Variants in PAPPA observed in about 807,000 individuals in gnomAD.
The protein encoded by PAPPA is pappalysin 1.
A neutral mutation model predicts 164.0 loss-of-function variants in PAPPA; 60 were observed. The observed-to-expected ratio is 0.37, with a 90% confidence interval of 0.30 to 0.45. The LOEUF (loss-of-function observed/expected upper bound fraction) is 0.45, where lower values mean the gene tolerates loss of function less well. PAPPA is among the 20% of genes least tolerant of loss of function. The probability of loss-of-function intolerance (pLI) is 1.00; values close to 1 mark genes in which losing one functional copy is unlikely to be tolerated. For synonymous variants in PAPPA, 875 were observed against 814.1 expected (o/e 1.07, Z -1.27); for missense variants, 1,782 against 2,087.3 (o/e 0.85, Z 2.85).
chr9:116,336,725 C>A (rs770537230), intron 13 of PAPPA, among the ~76,000 whole-genome samples: 1 of 152,182 alleles, frequency 6.6e-6, no homozygotes, highest in Non-Finnish European at 1.5e-5. Context: ...TGAATGAGGG[C>A]AAAATGCTGC....
rs1317701880 is a variant in PAPPA at position 116,399,703 on chromosome 9, G to T, written c.*3087G>T. On this transcript the variant is annotated 3_prime_UTR_variant, in exon 22 of 22. Transcript: ENST00000328252. ...ACCCAAAGGATTTGCATTACCCCCA[G>T]ATTCTGTGCCAACAACCTTTTAAGG... 1 of 152,582 alleles carries T rather than the reference G, an allele frequency of 6.6e-6. No individual in the cohort carries two copies. Among genetic ancestry groups the T allele is most frequent in the Non-Finnish European group, 1.5e-5 (1 of 68,044 alleles). The allele number at this position is 152,582 out of a possible 1,614,324, so 9.5% of individuals were successfully genotyped here.
rs949521627 is a variant in PAPPA, at chr9:116,188,157, C to T, written c.1419C>T (p.Cys473=). 2 of 1,613,998 alleles carry T rather than the reference C, an allele frequency of 1.2e-6. No individual in the cohort carries two copies. Among genetic ancestry groups the T allele is most frequent in the Middle Eastern group, 1.6e-4 (1 of 6,084 alleles). The change falls in exon 2 of 22, where the codon TGC becomes TGT. Residue 473 remains cysteine (C), a synonymous_variant. Coordinates refer to ENST00000328252, the MANE Select transcript of PAPPA (RefSeq NM_002581.5). ...YERFNFDGGE[C]CDPEITNVTQ... ...GGTTCAACTTTGATGGTGGAGAGTG[C>T]TGTGACCCTGAAATCACCAATGTCA... is the stretch of plus-strand genomic sequence containing the variant.
At chr9:116,191,956 A>G (rs1307261735) in intron 2 of PAPPA, among the ~76,000 whole-genome samples, 2 of 152,120 alleles carry the variant, frequency 1.3e-5, no homozygotes, top group African/African-American at 4.8e-5. Context: ...TAGGGGCAAG[A>G]GGAGAAAGTG....
At chr9:116,231,694 GAT>G (rs1287850876) in intron 6 of PAPPA, among the ~76,000 whole-genome samples, 3 of 151,050 alleles carry the variant, frequency 2.0e-5, no homozygotes, top group Non-Finnish European at 4.4e-5. Flanking sequence ...TGGATGGATG[GAT>G]GGATGGATGG....
intron 9 of PAPPA, among the ~76,000 whole-genome samples, chr9:116,295,197 T>G (rs1233126334): frequency 3.3e-5 from 5 of 152,176 alleles, no homozygotes; most frequent in Non-Finnish European, 7.4e-5. Context: ...AATCAGAGAT[T>G]TCCAAAAGTA....
At chr9:116,176,834 T>A (rs1843841520) in intron 1 of PAPPA, among the ~76,000 whole-genome samples, 1 of 151,374 alleles carries the variant, frequency 6.6e-6, no homozygotes, top group Non-Finnish European at 1.5e-5. Context: ...AAAAATGGAG[T>A]TGACAAGATG....
intron 14 of PAPPA, among the ~76,000 whole-genome samples, chr9:116,345,175 T>C (rs1846191304): frequency 1.3e-5 from 2 of 151,970 alleles, no homozygotes; most frequent in Non-Finnish European, 2.9e-5. Context: ...ACAAATCGAG[T>C]CCTTCTTCTG....
Position 116,398,440 on chromosome 9 carries a change from C to T in PAPPA, c.*1824C>T, listed in dbSNP as rs1846996172. 1 of 498,284 alleles carries T rather than the reference C, an allele frequency of 2.0e-6. No homozygotes were observed. Among genetic ancestry groups the T allele is most frequent in the African/African-American group, 2.0e-5 (1 of 48,812 alleles). The allele number at this position is 498,284 out of a possible 1,614,324, so 30.9% of individuals were successfully genotyped here. Reference sequence around the variant, plus strand: ...GCACGTGTGCAGCCCCACCTAATTCCTGCATCCAAGGCAGGTGTTGTTAAT... The same window carrying T: ...GCACGTGTGCAGCCCCACCTAATTCTTGCATCCAAGGCAGGTGTTGTTAAT... On this transcript the variant is annotated 3_prime_UTR_variant, in exon 22 of 22. Coordinates refer to ENST00000328252, the MANE Select transcript of PAPPA (RefSeq NM_002581.5).
intron 21 of PAPPA, among the ~76,000 whole-genome samples, chr9:116,392,985 A>G (rs1450699747): frequency 6.6e-6 from 1 of 152,126 alleles, no homozygotes; most frequent in African/African-American, 2.4e-5. Context: ...TCATATTCTG[A>G]TTGAGTTTCC....
intron 17 of PAPPA, among the ~76,000 whole-genome samples, chr9:116,359,355 G>C (rs1457156684): frequency 6.6e-6 from 1 of 152,192 alleles, no homozygotes; most frequent in African/African-American, 2.4e-5. Context: ...GGGAGTTAGA[G>C]CTCAATATGC....
intron 17 of PAPPA, among the ~76,000 whole-genome samples, chr9:116,362,257 A>T (rs1332891099): frequency 9.5e-6 from 1 of 105,374 alleles, no homozygotes. Flanking sequence ...CTCTCAATTT[A>T]AAAAAAAAAC....
intron 10 of PAPPA, among the ~76,000 whole-genome samples, chr9:116,329,246 G>A (rs1845959697): frequency 6.6e-6 from 1 of 152,114 alleles, no homozygotes; most frequent in African/African-American, 2.4e-5. Context: ...TTCAGACCTG[G>A]TCCCGTTCAT....
chr9:116,378,266 G>T (rs1321840008), intron 20 of PAPPA, among the ~76,000 whole-genome samples: 1 of 152,162 alleles, frequency 6.6e-6, no homozygotes, highest in Non-Finnish European at 1.5e-5. Context: ...CTGTCTCTGT[G>T]TGTCAGTGAC....
chr9:116,241,283 T>C (rs184111921), intron 7 of PAPPA, among the ~76,000 whole-genome samples: 1 of 152,330 alleles, frequency 6.6e-6, no homozygotes, highest in East Asian at 1.9e-4. Context: ...GAAAAACTTT[T>C]TGTTTCATTG....
At chr9:116,364,213 T>C (rs1297439764) in intron 18 of PAPPA, among the ~76,000 whole-genome samples, 1 of 152,148 alleles carries the variant, frequency 6.6e-6, no homozygotes, top group Non-Finnish European at 1.5e-5. Flanking sequence ...TGTGATGGGG[T>C]CCCAACCTCC....
chr9:116,303,515 C>G (rs1168465875), intron 10 of PAPPA, among the ~76,000 whole-genome samples: 1 of 152,172 alleles, frequency 6.6e-6, no homozygotes, highest in Non-Finnish European at 1.5e-5. Flanking sequence ...GGACTGACAG[C>G]TTAGTCCAGG....
intron 9 of PAPPA, among the ~76,000 whole-genome samples, chr9:116,300,594 T>C (rs902448213): frequency 3.9e-5 from 6 of 152,218 alleles, no homozygotes; most frequent in African/African-American, 1.4e-4. Flanking sequence ...CTTTTGATAG[T>C]ATTTCACTGG....
intron 21 of PAPPA, 102 bp downstream of exon 21, chr9:116,382,595 TG>T (rs1564250373): frequency 2.9e-5 from 22 of 769,246 alleles, no homozygotes; most frequent in Non-Finnish European, 5.2e-5. Context: ...GTCCTAACTC[TG>T]CCAGCACTGT....
At position 116,183,027 on chromosome 9, in the gene PAPPA, G is replaced by A. The variant is rs144599308; in HGVS notation, c.416-4127G>A. Reference sequence around the variant, plus strand: ...GTGTGCAGAATTGCATGTGGCCTTCGGTTTTGCCACATGGGACTATATCCC... The same window carrying A: ...GTGTGCAGAATTGCATGTGGCCTTCAGTTTTGCCACATGGGACTATATCCC... On this transcript the variant is annotated intron_variant, in intron 1 of 21. Coordinates refer to ENST00000328252, the MANE Select transcript of PAPPA (RefSeq NM_002581.5). Among the ~76,000 whole-genome samples, 360 of 152,286 alleles carry A rather than the reference G, an allele frequency of 2.4e-3. 3 individuals carry two copies. The highest frequency in any genetic ancestry group is 0.017 in the Admixed American group (257 of 15,302).
Sources: gnomAD v4.1 joint callset for allele counts (sites outside exome capture counted in the v4.1 genomes callset) on GRCh38, gnomAD v4.1.1 for gene constraint, MANE v1.5 for transcripts, NCBI Gene and HGNC (gene_info 2026-07-23, HGNC 2026-07-21) for gene names.